The following UNC5D variants were observed in gnomAD, a reference collection of about 807,000 sequenced individuals.
UNC5D encodes unc-5 netrin receptor D.
In UNC5D, 39 loss-of-function variants were observed where a neutral mutation model predicts 105.4. That is an observed-to-expected ratio of 0.37 (90% CI 0.29 to 0.48). The LOEUF is 0.48. Among genes scored for constraint, UNC5D ranks in the 20% least tolerant of loss-of-function variants. The probability of loss-of-function intolerance (pLI) is 0.98; values close to 1 mark genes in which losing one functional copy is unlikely to be tolerated. For missense variants in UNC5D, 991 were observed against 1,202.4 expected (o/e 0.82, Z 2.60); for synonymous variants, 452 against 450.4 (o/e 1.00, Z -0.04).
chr8:35,451,652 C>A (rs773078290), intron 1 of UNC5D, among the ~76,000 whole-genome samples: 2 of 152,074 alleles, frequency 1.3e-5, no homozygotes, highest in Non-Finnish European at 2.9e-5. Flanking sequence ...ATCTCTTGTT[C>A]TTCTATATTC....
At position 35,643,798 on chromosome 8, in the gene UNC5D, C is replaced by T. The variant is rs77777169; in HGVS notation, c.571-39749C>T. The stretch of plus-strand genomic sequence containing the variant: ...GGTTCAGGAAGGACAATGGAGTAGG[C>T]GATGAAATCTGGAGAGGTTGTTTTA... On this transcript the variant is annotated intron_variant, in intron 4 of 16. Transcript: ENST00000404895. Among the ~76,000 whole-genome samples the T allele has an allele frequency of 5.9e-3, 901 of 152,142 alleles. 12 individuals are homozygous for T. The highest frequency in any genetic ancestry group is 0.02 in the African/African-American group (819 of 41,500).
chr8:35,567,374 G>T lies in UNC5D; in HGVS notation c.323-724G>T, dbSNP rs566207347. Among the ~76,000 whole-genome samples the T allele has an allele frequency of 4.7e-4, 72 of 152,222 alleles. No homozygotes were observed. The South Asian group carries it at 0.014, about 29-fold the overall frequency. ...TACATGTATCAAAATATCACATGTG[G>T]CTGGGCACGGTGGCTTACACCTATA... is the stretch of plus-strand genomic sequence containing the variant. On this transcript the variant is annotated intron_variant, in intron 2 of 16. Transcript: ENST00000404895.
Position 35,790,474 on chromosome 8 carries a change from AT to A in UNC5D, c.2775del (p.Ile925MetfsTer81). ...LDSLACALEE[I>X]GRTHTKLSNI... is the part of the protein sequence containing the mutation. ...CTCCCTGGCCTGTGCCCTTGAAGAG[AT>A]TGGGAGGACACACACGAAACTCTCA... On this transcript the variant is annotated frameshift_variant, in exon 17 of 17. Transcript: ENST00000404895. LOFTEE classifies it high-confidence loss of function. 4 of 1,613,854 alleles carry A rather than the reference AT, an allele frequency of 2.5e-6. No homozygotes were observed. The highest frequency in any genetic ancestry group is 3.4e-6 in the Non-Finnish European group (4 of 1,179,878).
At chr8:35,666,031 A>G (rs1315885263) in intron 4 of UNC5D, among the ~76,000 whole-genome samples, 1 of 151,160 alleles carries the variant, frequency 6.6e-6, no homozygotes, top group Non-Finnish European at 1.5e-5. Context: ...TCCTTCTTGA[A>G]TGGATTATTA....
At chr8:35,238,799 G>A (rs1350585960) in intron 1 of UNC5D, among the ~76,000 whole-genome samples, 1 of 152,142 alleles carries the variant, frequency 6.6e-6, no homozygotes, top group East Asian at 1.9e-4. Flanking sequence ...GGCAAGAGAA[G>A]TACACATTTA....
At chr8:35,694,464 C>T (rs1218181894) in intron 7 of UNC5D, among the ~76,000 whole-genome samples, 1 of 152,136 alleles carries the variant, frequency 6.6e-6, no homozygotes. Context: ...TAGGTTGAAG[C>T]CTCAGGGCTC....
intron 9 of UNC5D, among the ~76,000 whole-genome samples, chr8:35,723,008 G>C (rs1828664094): frequency 1.3e-5 from 2 of 152,124 alleles, no homozygotes; most frequent in African/African-American, 2.4e-5. Flanking sequence ...TCAAAACAGA[G>C]TCATTTAATT....
intron 3 of UNC5D, among the ~76,000 whole-genome samples, chr8:35,582,006 T>G (rs1383432369): frequency 1.3e-5 from 2 of 152,314 alleles, no homozygotes; most frequent in Admixed American, 1.3e-4. Context: ...ATAATCTCTT[T>G]GCTGCTTCTG....
chr8:35,677,362 A>T (rs1825312561), intron 4 of UNC5D, among the ~76,000 whole-genome samples: 1 of 152,146 alleles, frequency 6.6e-6, no homozygotes, highest in South Asian at 2.1e-4. Flanking sequence ...TGTCTTTAAC[A>T]TGCAAGCAGT....
intron 1 of UNC5D, among the ~76,000 whole-genome samples, chr8:35,260,670 C>A (rs1481136107): frequency 6.6e-6 from 1 of 152,066 alleles, no homozygotes; most frequent in Non-Finnish European, 1.5e-5. Context: ...CACCGTGTTG[C>A]CCAGGCTGGT....
chr8:35,323,022 G>A (rs1178788807), intron 1 of UNC5D, among the ~76,000 whole-genome samples: 3 of 152,088 alleles, frequency 2.0e-5, no homozygotes, highest in Admixed American at 1.3e-4. Flanking sequence ...AGTCTTAGCA[G>A]TAGGACTAAT....
chr8:35,662,978 G>A (rs1487086329), intron 4 of UNC5D, among the ~76,000 whole-genome samples: 3 of 152,278 alleles, frequency 2.0e-5, no homozygotes, highest in South Asian at 2.1e-4. Context: ...CTCCTTATCG[G>A]AGTCCCATCT....
chr8:35,429,096 A>G (rs1229224394), intron 1 of UNC5D, among the ~76,000 whole-genome samples: 2 of 152,150 alleles, frequency 1.3e-5, no homozygotes, highest in African/African-American at 4.8e-5. Context: ...TTTATGCTTC[A>G]TTTAAATTGT....
intron 8 of UNC5D, among the ~76,000 whole-genome samples, chr8:35,718,643 C>G (rs947661157): frequency 6.6e-6 from 1 of 152,114 alleles, no homozygotes; most frequent in African/African-American, 2.4e-5. Flanking sequence ...CAATAAAAAA[C>G]ACAACCCAAA....
chr8:35,608,880 G>A (rs2130968045), intron 4 of UNC5D, among the ~76,000 whole-genome samples: 1 of 152,180 alleles, frequency 6.6e-6, no homozygotes, highest in East Asian at 1.9e-4. Context: ...AAGTATGTGA[G>A]TACATGTATC....
At chr8:35,507,095 G>A (rs1381600332) in intron 1 of UNC5D, among the ~76,000 whole-genome samples, 1 of 115,474 alleles carries the variant, frequency 8.7e-6, no homozygotes, top group African/African-American at 3.5e-5. Context: ...TCGCTCTGTC[G>A]CCCAGGCTGG....
chr8:35,669,181 T>G (rs1013251756), intron 4 of UNC5D, among the ~76,000 whole-genome samples: 1 of 152,186 alleles, frequency 6.6e-6, no homozygotes, highest in African/African-American at 2.4e-5. Context: ...AGATATTTAT[T>G]TCAATGCCTT....
intron 1 of UNC5D, among the ~76,000 whole-genome samples, chr8:35,381,497 C>T (rs1243311606): frequency 6.6e-6 from 1 of 152,182 alleles, no homozygotes; most frequent in Non-Finnish European, 1.5e-5. Flanking sequence ...ACATAATCAT[C>T]AGCTCTGCAG....
chr8:35,261,640 G>A (rs1334284482), intron 1 of UNC5D, among the ~76,000 whole-genome samples: 5 of 152,000 alleles, frequency 3.3e-5, no homozygotes, highest in African/African-American at 1.2e-4. Context: ...GTAGGGGGGT[G>A]GGGGGCGTGT....
Sources: gnomAD v4.1 joint callset for allele counts (sites outside exome capture counted in the v4.1 genomes callset) on GRCh38, gnomAD v4.1.1 for gene constraint, MANE v1.5 for transcripts, NCBI Gene and HGNC (gene_info 2026-07-23, HGNC 2026-07-21) for gene names.